The following BRINP3 variants were observed in gnomAD, a reference collection of about 807,000 sequenced individuals.
BRINP3 encodes BMP/retinoic acid-inducible neural-specific protein 3.
In BRINP3, 19 loss-of-function variants were observed where a neutral mutation model predicts 71.0. The observed-to-expected ratio is 0.27, with a 90% CI of 0.19 to 0.39. BRINP3 has a LOEUF of 0.39. Ranked by LOEUF, BRINP3 falls within the 10% of genes least tolerant of loss-of-function variation. The pLI is 1.00. For missense variants in BRINP3, 959 were observed against 940.8 expected (o/e 1.02, Z -0.25); for synonymous variants, 380 against 337.7 (o/e 1.13, Z -1.37).
chr1:190,320,676 AAC>A (rs141844868), intron 2 of BRINP3, among the ~76,000 whole-genome samples: 5 of 151,040 alleles, frequency 3.3e-5, no homozygotes, highest in African/African-American at 4.8e-5. Context: ...CCCACCCCCC[AAC>A]ACACACACAC....
chr1:190,375,920 G>T (rs568780098), intron 2 of BRINP3, among the ~76,000 whole-genome samples: 3 of 151,784 alleles, frequency 2.0e-5, no homozygotes, highest in Admixed American at 2.0e-4. Flanking sequence ...GACATTTTTA[G>T]ATTTAAATGA....
intron 7 of BRINP3, among the ~76,000 whole-genome samples, chr1:190,159,018 C>G (rs895733500): frequency 6.6e-6 from 1 of 151,724 alleles, no homozygotes; most frequent in Admixed American, 6.6e-5. Context: ...AACTCAATGC[C>G]CACTTTCAAA....
intron 3 of BRINP3, among the ~76,000 whole-genome samples, chr1:190,280,396 A>C (rs974412054): frequency 3.3e-5 from 5 of 151,864 alleles, no homozygotes; most frequent in African/African-American, 1.2e-4. Flanking sequence ...CAGTTAAAAC[A>C]GTGAATATGA....
intron 7 of BRINP3, among the ~76,000 whole-genome samples, chr1:190,125,859 C>T (rs1654045382): frequency 6.6e-6 from 1 of 151,940 alleles, no homozygotes; most frequent in Non-Finnish European, 1.5e-5. Flanking sequence ...AGGGAAGAAG[C>T]AGGCTCTCTT....
intron 7 of BRINP3, among the ~76,000 whole-genome samples, chr1:190,124,513 T>C (rs1338569541): frequency 2.0e-5 from 3 of 152,116 alleles, no homozygotes; most frequent in Admixed American, 2.0e-4. Flanking sequence ...CAATGTACAA[T>C]GCGTAGAAGC....
chr1:190,162,426 G>C (rs1217841789), intron 6 of BRINP3, among the ~76,000 whole-genome samples: 2 of 151,970 alleles, frequency 1.3e-5, no homozygotes, highest in African/African-American at 4.8e-5. Context: ...TACAGGAGTA[G>C]AGCCACTCTG....
At chr1:190,361,629 C>G (rs1669153280) in intron 2 of BRINP3, among the ~76,000 whole-genome samples, 1 of 152,088 alleles carries the variant, frequency 6.6e-6, no homozygotes, top group Non-Finnish European at 1.5e-5. Context: ...GTCTCAATCT[C>G]TTGACCTCGT....
At chr1:190,120,294 T>A (rs922230905) in intron 7 of BRINP3, among the ~76,000 whole-genome samples, 2 of 152,098 alleles carry the variant, frequency 1.3e-5, no homozygotes, top group African/African-American at 4.8e-5. Context: ...CATAATAAAA[T>A]TTTACTATTC....
chr1:190,242,330 T>C (rs1474356634), intron 4 of BRINP3, among the ~76,000 whole-genome samples: 1 of 152,074 alleles, frequency 6.6e-6, no homozygotes, highest in Non-Finnish European at 1.5e-5. Flanking sequence ...GTAAGCATTA[T>C]ACTTAGTGTG....
At chr1:190,114,266 A>T (rs1208710431) in intron 7 of BRINP3, among the ~76,000 whole-genome samples, 1 of 152,104 alleles carries the variant, frequency 6.6e-6, no homozygotes, top group Non-Finnish European at 1.5e-5. Flanking sequence ...CCTCCCTAGA[A>T]GTAGAGCAGT....
At chr1:190,283,303 A>T (rs529229672) in intron 2 of BRINP3, among the ~76,000 whole-genome samples, 1 of 152,090 alleles carries the variant, frequency 6.6e-6, no homozygotes, top group Non-Finnish European at 1.5e-5. Context: ...TTCACAACAG[A>T]GATTCTGATT....
intron 4 of BRINP3, among the ~76,000 whole-genome samples, chr1:190,244,153 G>A (rs1025897507): frequency 6.6e-6 from 1 of 152,012 alleles, no homozygotes; most frequent in African/African-American, 2.4e-5. Context: ...CCTCCACTAA[G>A]TTCGTGGAAA....
chr1:190,151,372 A>G (rs576825454), intron 7 of BRINP3, among the ~76,000 whole-genome samples: 3 of 152,306 alleles, frequency 2.0e-5, no homozygotes, highest in Non-Finnish European at 2.9e-5. Flanking sequence ...AAACATTAGT[A>G]CCTTGGGATC....
intron 2 of BRINP3, among the ~76,000 whole-genome samples, chr1:190,323,450 T>C (rs1451743756): frequency 6.6e-6 from 1 of 151,894 alleles, no homozygotes; most frequent in East Asian, 1.9e-4. Context: ...CAAAAGAAGA[T>C]ATGAAAACCC....
intron 7 of BRINP3, among the ~76,000 whole-genome samples, chr1:190,158,510 A>G (rs772815317): frequency 3.3e-5 from 5 of 152,144 alleles, no homozygotes; most frequent in Non-Finnish European, 7.4e-5. Context: ...ACTGGGTACT[A>G]TGCTCACTAC....
intron 6 of BRINP3, among the ~76,000 whole-genome samples, chr1:190,223,569 A>C (rs541549936): frequency 6.6e-6 from 1 of 152,112 alleles, no homozygotes; most frequent in Non-Finnish European, 1.5e-5. Flanking sequence ...TGAATGAGAA[A>C]AATAATTTTT....
At chr1:190,184,419 G>C (rs756498682) in intron 6 of BRINP3, among the ~76,000 whole-genome samples, 36 of 152,064 alleles carry the variant, frequency 2.4e-4, no homozygotes, top group Admixed American at 1.1e-3. Flanking sequence ...ATACCAAAAA[G>C]ACACATGCAC....
At chr1:190,113,094 T>C (rs531881353) in intron 7 of BRINP3, among the ~76,000 whole-genome samples, 2 of 152,282 alleles carry the variant, frequency 1.3e-5, no homozygotes, top group Admixed American at 1.3e-4. Flanking sequence ...TCGAATTATA[T>C]TGTACACTTT....
At chr1:190,172,958 T>G (rs914106602) in intron 6 of BRINP3, among the ~76,000 whole-genome samples, 1 of 152,200 alleles carries the variant, frequency 6.6e-6, no homozygotes, top group Non-Finnish European at 1.5e-5. Context: ...AAGCTTTCTA[T>G]TCATGACAGG....
Sources: gnomAD v4.1 joint callset for allele counts (sites outside exome capture counted in the v4.1 genomes callset) on GRCh38, gnomAD v4.1.1 for gene constraint, MANE v1.5 for transcripts, NCBI Gene and HGNC (gene_info 2026-07-23, HGNC 2026-07-21) for gene names.